The following FIGLA variants were observed in gnomAD, a reference collection of about 807,000 sequenced individuals.
The protein encoded by FIGLA is folliculogenesis specific bHLH transcription factor.
A neutral mutation model predicts 21.5 loss-of-function variants in FIGLA; 17 were observed. The observed-to-expected ratio is 0.79, with a 90% CI of 0.54 to 1.19. The LOEUF (loss-of-function observed/expected upper bound fraction) is 1.19, where lower values mean the gene tolerates loss of function less well. Ranked by LOEUF, FIGLA falls within the 50% of genes most tolerant of loss-of-function variation. The pLI, the probability that FIGLA is intolerant of heterozygous loss-of-function variation, is 0.00. For missense variants in FIGLA, 282 were observed against 285.0 expected, an observed-to-expected ratio of 0.99 and a Z score of 0.08; for synonymous variants, 129 against 117.6, an observed-to-expected ratio of 1.10 and a Z score of -0.63.
At chr2:70,781,371 C>T (rs578021623) in intron 3 of FIGLA, among the ~76,000 whole-genome samples, 4 of 152,056 alleles carry the variant, frequency 2.6e-5, no homozygotes, top group African/African-American at 7.2e-5. Flanking sequence ...ATCAAATAAT[C>T]GTGATGACAT....
intron 2 of FIGLA, among the ~76,000 whole-genome samples, chr2:70,786,158 CCTT>C (rs1217636018): frequency 2.0e-5 from 3 of 151,720 alleles, no homozygotes; most frequent in African/African-American, 7.3e-5. Flanking sequence ...TAGTATCTCT[CCTT>C]CTGTTCCTAA....
At chr2:70,779,889 T>C (rs1172215601) in intron 3 of FIGLA, among the ~76,000 whole-genome samples, 1 of 151,998 alleles carries the variant, frequency 6.6e-6, no homozygotes, top group African/African-American at 2.4e-5. Context: ...GAGTGGCAAA[T>C]AGAAGGAATA....
chr2:70,790,335 C>T (rs1483013288), intron 1 of FIGLA, 73 bp downstream of exon 1: 3 of 1,412,476 alleles, frequency 2.1e-6, no homozygotes, highest in South Asian at 1.5e-5. Context: ...GAGCGGACCC[C>T]CGGGTGTTGA....
intron 3 of FIGLA, among the ~76,000 whole-genome samples, chr2:70,782,240 T>C (rs1310885554): frequency 6.6e-6 from 1 of 152,170 alleles, no homozygotes; most frequent in African/African-American, 2.4e-5. Context: ...TCCTTAGAAA[T>C]AGAATAAATC....
intron 3 of FIGLA, among the ~76,000 whole-genome samples, chr2:70,782,842 G>A (rs1675880249): frequency 6.6e-6 from 1 of 152,142 alleles, no homozygotes; most frequent in Non-Finnish European, 1.5e-5. Context: ...GCTGAGGTGG[G>A]CAGATCACGA....
At chr2:70,785,745 A>T (rs1574351810) in intron 2 of FIGLA, 106 bp from the exon 3 acceptor site, 1 of 816,638 alleles carries the variant, frequency 1.2e-6, no homozygotes, top group African/African-American at 1.7e-5. Flanking sequence ...CATTTAAATG[A>T]TAAGGGCAAT....
chr2:70,788,729 A>G (rs1296793803), intron 1 of FIGLA, among the ~76,000 whole-genome samples: 1 of 152,262 alleles, frequency 6.6e-6, no homozygotes, highest in East Asian at 1.9e-4. Flanking sequence ...ACCATTTTTT[A>G]TGTATCAAGG....
chr2:70,790,321 C>A, intron 1 of FIGLA, 87 bp downstream of exon 1: 1 of 1,354,174 alleles, frequency 7.4e-7, no homozygotes, highest in Non-Finnish European at 9.7e-7. Context: ...CGGGGGTGGG[C>A]GGTGAGCGGA....
rs1675940219 is a variant in FIGLA, at chr2:70,785,632, T to C, written c.392A>G (p.Asp131Gly). 4 of 1,613,292 alleles carry C rather than the reference T, an allele frequency of 2.5e-6. No homozygotes were observed. Among genetic ancestry groups the C allele is most frequent in the Non-Finnish European group, 3.4e-6 (4 of 1,179,240 alleles). ...LEGAKDSKKQDPDEQSYSNNS... is the reference protein window; with the variant it reads ...LEGAKDSKKQGPDEQSYSNNS... ...GTTACTATAGCTCTGCTCATCTGGG[T>C]CTTGTTTCTGGAAACCATATTTAGT... The change falls in exon 3 of 5, where the codon GAC becomes GGC. Residue 131 changes from aspartate (D) to glycine (G), a missense_variant. By Grantham distance (94) the Asp-to-Gly change is moderately conservative (BLOSUM62 -1). Transcript: ENST00000332372.
At chr2:70,790,002 G>C (rs915458199) in intron 1 of FIGLA, among the ~76,000 whole-genome samples, 1 of 152,200 alleles carries the variant, frequency 6.6e-6, no homozygotes, top group Non-Finnish European at 1.5e-5. Flanking sequence ...GCAAGAAAAA[G>C]GAGCGAAGGG....
At chr2:70,788,662 C>G (rs1165196032) in intron 1 of FIGLA, among the ~76,000 whole-genome samples, 1 of 152,130 alleles carries the variant, frequency 6.6e-6, no homozygotes, top group Admixed American at 6.5e-5. Context: ...AACAACCACT[C>G]AGTGTATAAA....
intron 3 of FIGLA, among the ~76,000 whole-genome samples, chr2:70,780,894 C>CATATTCACATGGGGGGT (rs1675842872): frequency 6.6e-6 from 1 of 152,056 alleles, no homozygotes; most frequent in Non-Finnish European, 1.5e-5. Flanking sequence ...AGATGAGGGG[C>CATATTCACATGGGGGGT]ATATTCACAT....
At chr2:70,786,316 T>TG (rs1553390020) in intron 2 of FIGLA, among the ~76,000 whole-genome samples, 3 of 150,350 alleles carry the variant, frequency 2.0e-5, no homozygotes, top group African/African-American at 7.3e-5. Context: ...TTTCTTTTTT[T>TG]TGGGGGGGGA....
chr2:70,779,109 C>T (rs1553388764), intron 3 of FIGLA, among the ~76,000 whole-genome samples: 1 of 152,188 alleles, frequency 6.6e-6, no homozygotes, highest in African/African-American at 2.4e-5. Flanking sequence ...GCTATAAATG[C>T]AGTCGCCGGA....
chr2:70,784,862 A>T (rs1675915842), intron 3 of FIGLA, among the ~76,000 whole-genome samples: 1 of 151,844 alleles, frequency 6.6e-6, no homozygotes, highest in South Asian at 2.1e-4. Flanking sequence ...CTGTCTCTTT[A>T]GTTGACAAAG....
At chr2:70,784,456 A>T (rs1237374786) in intron 3 of FIGLA, among the ~76,000 whole-genome samples, 1 of 152,234 alleles carries the variant, frequency 6.6e-6, no homozygotes, top group Non-Finnish European at 1.5e-5. Flanking sequence ...GTTATCTTAT[A>T]TACAAGGTAG....
At chr2:70,783,404 G>A (rs1553389410) in intron 3 of FIGLA, among the ~76,000 whole-genome samples, 1 of 152,174 alleles carries the variant, frequency 6.6e-6, no homozygotes, top group Non-Finnish European at 1.5e-5. Flanking sequence ...ACTATACGTG[G>A]CCTATGCCCA....
At chr2:70,785,343 A>G (rs1675926588) in intron 3 of FIGLA, 72 bp downstream of exon 3, 1 of 1,222,486 alleles carries the variant, frequency 8.2e-7, no homozygotes, top group South Asian at 1.5e-5. Context: ...GCATGGAAAA[A>G]TGACTCATAT....
chr2:70,790,356 G>A lies in FIGLA; in HGVS notation c.231+52C>T. On this transcript the variant is annotated intron_variant, in intron 1 of 4. Coordinates refer to ENST00000332372, the MANE Select transcript of FIGLA (RefSeq NM_001004311.3). ...ACCCCCGGGTGTTGACCAGGTGTTT[G>A]GTGGTAGAGCAGGGAAGGGGGGAAC... 6 of 1,463,614 alleles carry A rather than the reference G, an allele frequency of 4.1e-6. No homozygotes were observed. In the South Asian group the frequency reaches 6.6e-5, roughly 16 times the overall value. 90.7% of individuals were successfully genotyped at this position (1,463,614 alleles called of 1,614,324 possible).
Sources: gnomAD v4.1 joint callset for allele counts (sites outside exome capture counted in the v4.1 genomes callset) on GRCh38, gnomAD v4.1.1 for gene constraint, MANE v1.5 for transcripts, NCBI Gene and HGNC (gene_info 2026-07-23, HGNC 2026-07-21) for gene names.